The following PLXNC1 variants were observed in gnomAD, a reference collection of about 807,000 sequenced individuals.
PLXNC1 encodes the protein plexin-C1.
Under a neutral mutation model 178.2 loss-of-function variants are expected in PLXNC1, and 75 were observed. That is an observed-to-expected ratio of 0.42 (90% CI 0.35 to 0.51). The LOEUF is 0.51. Among genes scored for constraint, PLXNC1 ranks in the 20% least tolerant of loss-of-function variants. The pLI, the probability that PLXNC1 is intolerant of heterozygous loss-of-function variation, is 0.02. For missense variants in PLXNC1, 1,503 were observed against 1,984.4 expected, an observed-to-expected ratio of 0.76 and a Z score of 4.61; for synonymous variants, 790 against 779.9, an observed-to-expected ratio of 1.01 and a Z score of -0.22.
intron 9 of PLXNC1, chr12:94,227,462 T>A (rs1043066579): frequency 6.0e-5 from 23 of 385,714 alleles, no homozygotes; most frequent in East Asian, 9.2e-5. Flanking sequence ...TGAAAAATGA[T>A]GTTGCTCTGG....
intron 3 of PLXNC1, chr12:94,186,060 G>A (rs1184496476): frequency 2.1e-5 from 5 of 233,664 alleles, no homozygotes; most frequent in Admixed American, 4.8e-5. Flanking sequence ...CCTGGGCAAC[G>A]TAGTGAGACC....
At chr12:94,261,822 TG>T (rs1205278723) in intron 20 of PLXNC1, among the ~76,000 whole-genome samples, 3 of 151,498 alleles carry the variant, frequency 2.0e-5, no homozygotes, top group African/African-American at 7.2e-5. Context: ...TTAAATAGAC[TG>T]TGCTTAGTTT....
At chr12:94,182,039 G>A (rs1322381039) in intron 3 of PLXNC1, among the ~76,000 whole-genome samples, 3 of 152,000 alleles carry the variant, frequency 2.0e-5, no homozygotes, top group African/African-American at 7.3e-5. Flanking sequence ...TTATCTTGCT[G>A]TTTTGGCTTT....
chr12:94,181,417 A>G (rs1456628152), intron 2 of PLXNC1, 29 bp from the exon 3 acceptor site: 14 of 1,387,188 alleles, frequency 1.0e-5, no homozygotes, highest in African/African-American at 2.9e-5. Flanking sequence ...AATAGAAATC[A>G]TGTTTCTCTT....
intron 21 of PLXNC1, among the ~76,000 whole-genome samples, chr12:94,273,101 A>C (rs2136110877): frequency 6.6e-6 from 1 of 152,368 alleles, no homozygotes; most frequent in South Asian, 2.1e-4. Context: ...AATGAGGCTA[A>C]TAATGGCACC....
chr12:94,240,748 A>T, intron 11 of PLXNC1, 84 bp downstream of exon 11: 1 of 1,099,964 alleles, frequency 9.1e-7, no homozygotes, highest in Non-Finnish European at 1.3e-6. Flanking sequence ...AAGTAAATTC[A>T]GAAACAGTGG....
chr12:94,237,661 T>A lies in PLXNC1; in HGVS notation c.1981-3T>A. On this transcript the variant is annotated splice_region_variant and splice_polypyrimidine_tract_variant and intron_variant, in intron 9 of 30. Coordinates refer to ENST00000258526, the MANE Select transcript of PLXNC1 (RefSeq NM_005761.3). ...TCCTGTTTTAATCTTTTCTTTCCAA[T>A]AGGTCTTCTACATTAAGTCCATTGA... 12 of 1,611,552 alleles carry A rather than the reference T, an allele frequency of 7.4e-6. No homozygotes were observed. Among genetic ancestry groups the A allele is most frequent in the Non-Finnish European group, 1.0e-5 (12 of 1,178,680 alleles).
chr12:94,198,493 A>C (rs1032019665), intron 4 of PLXNC1, among the ~76,000 whole-genome samples: 1 of 152,140 alleles, frequency 6.6e-6, no homozygotes, highest in African/African-American at 2.4e-5. Flanking sequence ...CCTGGAACTT[A>C]AAATGAAAAT....
At chr12:94,161,139 G>A (rs1289305422) in intron 1 of PLXNC1, among the ~76,000 whole-genome samples, 1 of 151,998 alleles carries the variant, frequency 6.6e-6, no homozygotes, top group Non-Finnish European at 1.5e-5. Flanking sequence ...CATGAACTGT[G>A]GATATCAGTG....
At chr12:94,174,047 A>G (rs904458813) in intron 2 of PLXNC1, among the ~76,000 whole-genome samples, 5 of 152,190 alleles carry the variant, frequency 3.3e-5, no homozygotes, top group African/African-American at 9.7e-5. Context: ...GGACTGCAGT[A>G]GGGTTCAGGA....
At chr12:94,224,539 G>C (rs1963886885) in intron 7 of PLXNC1, among the ~76,000 whole-genome samples, 2 of 152,180 alleles carry the variant, frequency 1.3e-5, no homozygotes, top group African/African-American at 2.4e-5. Context: ...GAAATCCCCT[G>C]TGCTTAAGTG....
chr12:94,297,716 A>G (rs1425782109), intron 26 of PLXNC1, among the ~76,000 whole-genome samples: 1 of 152,234 alleles, frequency 6.6e-6, no homozygotes, highest in Non-Finnish European at 1.5e-5. Context: ...GGTTGACAGC[A>G]TAATTATTCC....
intron 21 of PLXNC1, among the ~76,000 whole-genome samples, chr12:94,265,911 T>A (rs1460425954): frequency 6.6e-6 from 1 of 152,166 alleles, no homozygotes; most frequent in African/African-American, 2.4e-5. Context: ...ATTTGGGAAT[T>A]TCAGAGAGGG....
chr12:94,225,718 A>G (rs999100683), intron 7 of PLXNC1, among the ~76,000 whole-genome samples: 2 of 152,182 alleles, frequency 1.3e-5, no homozygotes, highest in South Asian at 4.1e-4. Context: ...CGCCCTTTCC[A>G]TAGGTAACTG....
intron 9 of PLXNC1, 134 bp from the exon 10 acceptor site, chr12:94,237,530 C>T: frequency 1.5e-6 from 1 of 668,682 alleles, no homozygotes; most frequent in Non-Finnish European, 2.5e-6. Flanking sequence ...TTTCATTAAA[C>T]ACTGTCTGCT....
rs755126053 is a variant in PLXNC1 at position 94,297,153 on chromosome 12, T to C, written c.3935-36T>C. On this transcript the variant is annotated intron_variant, in intron 24 of 30. Transcript: ENST00000258526. ...ATTAGCCCATGGTTGCTTTTTTTAATGGACTGCTTTCTCTCCCTCTTTCTC... is the reference window on the plus strand; with the variant it reads ...ATTAGCCCATGGTTGCTTTTTTTAACGGACTGCTTTCTCTCCCTCTTTCTC... The C allele has an allele frequency of 5.9e-5, 95 of 1,611,852 alleles. No homozygotes were observed. In the East Asian group the frequency reaches 1.4e-3, roughly 24 times the overall value.
intron 4 of PLXNC1, among the ~76,000 whole-genome samples, chr12:94,196,817 T>C (rs1462749062): frequency 6.6e-6 from 1 of 152,222 alleles, no homozygotes; most frequent in African/African-American, 2.4e-5. Context: ...GTCCTCCTGG[T>C]ACCCCATGAA....
Position 94,260,558 on chromosome 12 carries a change from C to G in PLXNC1, c.3252-84C>G. Reference sequence around the variant, plus strand: ...CAACCCAACAGGCCAGCTCCCTGCCCTGCCAGTGAGCTTCCATGGAAACTC... The same window carrying G: ...CAACCCAACAGGCCAGCTCCCTGCCGTGCCAGTGAGCTTCCATGGAAACTC... On this transcript the variant is annotated intron_variant, in intron 19 of 30. Transcript: ENST00000258526. This position sits in a 1 kb window ranked among gnomAD's most constrained non-coding sequence, Gnocchi z 4.4. 1.1e-6 allele frequency: 1 copy of G among 949,268 alleles called. No homozygotes were observed. Among genetic ancestry groups the G allele is most frequent in the East Asian group, 2.5e-5 (1 of 39,656 alleles). The allele number at this position is 949,268 out of a possible 1,614,324, so 58.8% of individuals were successfully genotyped here. A position where few individuals can be genotyped will look rare whatever the true frequency, so the allele number is the denominator to read the frequency against.
chr12:94,289,602 C>T (rs544097175), intron 23 of PLXNC1, among the ~76,000 whole-genome samples: 1 of 152,180 alleles, frequency 6.6e-6, no homozygotes, highest in Non-Finnish European at 1.5e-5. Flanking sequence ...GCATTTGGAG[C>T]TCCTCAGATG....
Sources: allele counts gnomAD v4.1 joint callset (sites outside exome capture counted in the v4.1 genomes callset), GRCh38; gene constraint gnomAD v4.1.1; non-coding constraint Gnocchi (gnomAD v3.1); transcripts MANE v1.5; gene names NCBI Gene and HGNC (gene_info 2026-07-23, HGNC 2026-07-21).